Variants in SHANK2 observed in about 807,000 individuals in gnomAD.
The protein encoded by SHANK2 is SH3 and multiple ankyrin repeat domains protein 2.
Under a neutral mutation model 133.7 loss-of-function variants are expected in SHANK2, and 43 were observed. That is an observed-to-expected ratio of 0.32 (90% CI 0.25 to 0.41). The LOEUF (loss-of-function observed/expected upper bound fraction) is 0.41. Among genes scored for constraint, SHANK2 ranks in the 10% least tolerant of loss-of-function variants. The probability of loss-of-function intolerance (pLI) is 1.00; values close to 1 mark genes in which losing one functional copy is unlikely to be tolerated. For synonymous variants in SHANK2, 1,017 were observed against 952.8 expected (o/e 1.07, Z -1.24); for missense variants, 1,994 against 2,235.8 (o/e 0.89, Z 2.18).
intron 6 of SHANK2, among the ~76,000 whole-genome samples, chr11:71,101,058 A>AGCACCAAGAACG (rs113075683): frequency 0.018 from 2,769 of 152,280 alleles, 89 homozygotes; most frequent in African/African-American, 0.063. Flanking sequence ...TAACATGAGC[A>AGCACCAAGAACG]GACCCTCATG....
Position 70,649,106 on chromosome 11 carries a change from C to T in SHANK2, c.2061+10722G>A, listed in dbSNP as rs183525265. Among the ~76,000 whole-genome samples, 549 of 152,302 alleles carry T rather than the reference C, an allele frequency of 3.6e-3. 7 individuals are homozygous for T. The highest frequency in any genetic ancestry group is 0.013 in the African/African-American group (524 of 41,562). On this transcript the variant is annotated intron_variant, in intron 17 of 25. Coordinates refer to ENST00000601538, the MANE Select transcript of SHANK2 (RefSeq NM_012309.5). ...GACGTTCATCTCCTCACTGGCCTGGCACACGTGCCATCTCCCCTTCTCACC... is the reference window on the plus strand; with the variant it reads ...GACGTTCATCTCCTCACTGGCCTGGTACACGTGCCATCTCCCCTTCTCACC...
intron 15 of SHANK2, among the ~76,000 whole-genome samples, chr11:70,662,757 C>A (rs1944593181): frequency 6.6e-6 from 1 of 152,100 alleles, no homozygotes; most frequent in Non-Finnish European, 1.5e-5. Flanking sequence ...TGTCCTCTCG[C>A]TTTTCCTGCT....
At chr11:71,149,674 G>T (rs117545309) in intron 2 of SHANK2, among the ~76,000 whole-genome samples, 1,792 of 151,350 alleles carry the variant, frequency 0.012, 11 homozygotes, top group Non-Finnish European at 0.019. Context: ...AAGGAGGGGA[G>T]GGAGGTGGAT....
chr11:71,066,913 C>T (rs939811000), intron 9 of SHANK2, among the ~76,000 whole-genome samples: 2 of 152,152 alleles, frequency 1.3e-5, no homozygotes, highest in South Asian at 4.1e-4. Flanking sequence ...GTGCTTCTGC[C>T]TGACCTGTGC....
At chr11:70,885,025 G>A (rs1462695392) in intron 11 of SHANK2, among the ~76,000 whole-genome samples, 1 of 152,136 alleles carries the variant, frequency 6.6e-6, no homozygotes, top group African/African-American at 2.4e-5. Context: ...CCAGCCAGGG[G>A]TCTTTTCTAA....
chr11:70,888,951 G>A (rs556695357), intron 11 of SHANK2, among the ~76,000 whole-genome samples: 1 of 152,316 alleles, frequency 6.6e-6, no homozygotes, highest in South Asian at 2.1e-4. Context: ...CAGTGGGGAC[G>A]GTAGAATCAG....
At chr11:71,129,702 C>G (rs1194071387) in intron 3 of SHANK2, among the ~76,000 whole-genome samples, 1 of 152,176 alleles carries the variant, frequency 6.6e-6, no homozygotes, top group African/African-American at 2.4e-5. Flanking sequence ...ACTTGGTTCA[C>G]ATGAGTTACA....
chr11:71,104,244 G>A (rs967488744), intron 6 of SHANK2, among the ~76,000 whole-genome samples: 2 of 152,098 alleles, frequency 1.3e-5, no homozygotes, highest in East Asian at 3.9e-4. Flanking sequence ...TCATTAACCT[G>A]GTCTTCACAC....
intron 10 of SHANK2, among the ~76,000 whole-genome samples, chr11:70,923,982 T>A (rs1555081110): frequency 1.3e-5 from 2 of 152,156 alleles, no homozygotes; most frequent in East Asian, 1.9e-4. Flanking sequence ...AGTGCCCTTG[T>A]GAGACACTGC....
chr11:71,187,529 T>C (rs1555114662), intron 2 of SHANK2, among the ~76,000 whole-genome samples: 3 of 152,310 alleles, frequency 2.0e-5, no homozygotes, highest in Non-Finnish European at 4.4e-5. Context: ...TTCAGGACAG[T>C]TCATGGGTTT....
At chr11:71,058,045 C>A (rs904498347) in intron 9 of SHANK2, among the ~76,000 whole-genome samples, 15 of 151,220 alleles carry the variant, frequency 9.9e-5, no homozygotes, top group Admixed American at 5.3e-4. Flanking sequence ...TAGGGATGCG[C>A]CACCATGCCC....
intron 17 of SHANK2, among the ~76,000 whole-genome samples, chr11:70,531,455 A>G (rs1026563687): frequency 6.6e-6 from 1 of 152,212 alleles, no homozygotes; most frequent in South Asian, 2.1e-4. Context: ...TTTGTCCCAC[A>G]CTAGACTGAC....
At chr11:70,805,375 C>T (rs1468972605) in intron 13 of SHANK2, among the ~76,000 whole-genome samples, 3 of 152,352 alleles carry the variant, frequency 2.0e-5, no homozygotes, top group East Asian at 3.9e-4. Flanking sequence ...CCTGAGTGTG[C>T]AGACCGGTCA....
At position 70,670,616 on chromosome 11, in the gene SHANK2, C is replaced by A. The variant is rs114381652; in HGVS notation, c.1854-8938G>T. On this transcript the variant is annotated intron_variant, in intron 15 of 25. Coordinates refer to ENST00000601538, the MANE Select transcript of SHANK2 (RefSeq NM_012309.5). Reference sequence around the variant, plus strand: ...GGGAGCTTCTCAGCCCATGACCACACGTGCAGCTGCTCCCAGCATCCTGCT... The same window carrying A: ...GGGAGCTTCTCAGCCCATGACCACAAGTGCAGCTGCTCCCAGCATCCTGCT... Among the ~76,000 whole-genome samples, 1,496 of 152,310 alleles carry A rather than the reference C, an allele frequency of 9.8e-3. 19 individuals carry two copies. Among genetic ancestry groups the A allele is most frequent in the African/African-American group, 0.034 (1,428 of 41,572 alleles).
intron 14 of SHANK2, among the ~76,000 whole-genome samples, chr11:70,735,998 A>G (rs1946396600): frequency 1.3e-5 from 2 of 151,656 alleles, no homozygotes; most frequent in Admixed American, 6.6e-5. Flanking sequence ...GCCACTTGCC[A>G]TGTTTTCCTG....
chr11:71,193,543 A>G (rs577007896), intron 2 of SHANK2, among the ~76,000 whole-genome samples: 11 of 152,202 alleles, frequency 7.2e-5, no homozygotes, highest in East Asian at 1.9e-4. Context: ...AAGAGCCACA[A>G]TTTCTGAGGT....
intron 17 of SHANK2, among the ~76,000 whole-genome samples, chr11:70,514,495 TATC>T (rs782050757): frequency 6.6e-6 from 1 of 152,230 alleles, no homozygotes; most frequent in Non-Finnish European, 1.5e-5. Flanking sequence ...TAAAAGCAGA[TATC>T]ACTGTTTTAG....
chr11:71,099,299 G>A (rs539200594), intron 6 of SHANK2, among the ~76,000 whole-genome samples: 1 of 152,082 alleles, frequency 6.6e-6, no homozygotes, highest in Non-Finnish European at 1.5e-5. Context: ...TGTGGACTTC[G>A]GTTAATAATA....
intron 13 of SHANK2, among the ~76,000 whole-genome samples, chr11:70,806,124 C>T (rs966388077): frequency 6.6e-6 from 1 of 152,204 alleles, no homozygotes; most frequent in Non-Finnish European, 1.5e-5. Context: ...GGATTTGAAC[C>T]GGGCCTACTG....
Sources: gnomAD v4.1 joint callset for allele counts (sites outside exome capture counted in the v4.1 genomes callset) on GRCh38, gnomAD v4.1.1 for gene constraint, MANE v1.5 for transcripts, NCBI Gene and HGNC (gene_info 2026-07-23, HGNC 2026-07-21) for gene names.